ZNF483: variants seen among roughly 807,000 people sequenced by gnomAD.
ZNF483 encodes zinc finger protein HIT-10.
In ZNF483, 9 loss-of-function variants were observed where a neutral mutation model predicts 28.6. The observed-to-expected ratio is 0.32, with a 90% CI of 0.19 to 0.55. The LOEUF is 0.55. ZNF483 is among the 20% of genes least tolerant of loss of function. The pLI is 0.93. For missense variants in ZNF483, 675 were observed against 871.7 expected, an observed-to-expected ratio of 0.77 and a Z score of 2.84; for synonymous variants, 322 against 306.2, an observed-to-expected ratio of 1.05 and a Z score of -0.54.
intron 3 of ZNF483, 78 bp from the exon 4 acceptor site, chr9:111,533,661 T>C: frequency 7.0e-7 from 1 of 1,419,504 alleles, no homozygotes; most frequent in Non-Finnish European, 9.3e-7. Flanking sequence ...AGAGCCATAA[T>C]AGCCTGTCTC....
In ZNF483 at chr9:111,534,207, G is replaced by A; in HGVS notation, c.629-54G>A. 4 of 1,428,960 alleles carry A rather than the reference G, an allele frequency of 2.8e-6. No individual in the cohort carries two copies. In the Admixed American group the frequency reaches 7.0e-5, roughly 25 times the overall value. 88.5% of individuals were successfully genotyped at this position (1,428,960 alleles called of 1,614,324 possible). On this transcript the variant is annotated intron_variant, in intron 4 of 5. Coordinates refer to ENST00000309235, the MANE Select transcript of ZNF483 (RefSeq NM_133464.5). ...ACCAGAGGCTATATGTGAATGCTGGGATATCTTTACTCTATGCAAAACAGC... is the reference window on the plus strand; with the variant it reads ...ACCAGAGGCTATATGTGAATGCTGGAATATCTTTACTCTATGCAAAACAGC...
At chr9:111,576,354 G>C (rs781043501) in intron 5 of ZNF483, 2 of 1,613,806 alleles carry the variant, frequency 1.2e-6, no homozygotes, top group East Asian at 2.2e-5. Flanking sequence ...GCTTTCCCTG[G>C]TCACTTGCAG....
At chr9:111,567,500 G>A (rs1451269535) in intron 5 of ZNF483, among the ~76,000 whole-genome samples, 1 of 152,126 alleles carries the variant, frequency 6.6e-6, no homozygotes, top group Non-Finnish European at 1.5e-5. Context: ...GCACTTTTTA[G>A]CAAAGGCTTG....
At position 111,554,057 on chromosome 9, in the gene ZNF483, C is replaced by T. The variant is rs987273400; in HGVS notation, c.*10887C>T. On this transcript the variant is annotated 3_prime_UTR_variant, in exon 6 of 6. Transcript: ENST00000309235. ...ACAGCTGAGAACCACAGGTTTCAAA[C>T]TCGGTGCCAAGGTTTCCCATTCCAC... Among the ~76,000 whole-genome samples the T allele has an allele frequency of 6.6e-6, 1 of 152,192 alleles. No individual in the cohort carries two copies. The highest frequency in any genetic ancestry group is 1.5e-5 in the Non-Finnish European group (1 of 68,030).
chr9:111,548,063 G>T lies in ZNF483; in HGVS notation c.*4893G>T, dbSNP rs1306598858. On this transcript the variant is annotated 3_prime_UTR_variant, in exon 6 of 6. Transcript: ENST00000309235. ...TAATCAGGATTACACTACGTTTCCT[G>T]TAGTATGTTTTTGAAATGAGGAAGT... Among the ~76,000 whole-genome samples the T allele has an allele frequency of 6.6e-6, 1 of 152,132 alleles. No homozygotes were observed. Among genetic ancestry groups the T allele is most frequent in the Non-Finnish European group, 1.5e-5 (1 of 68,010 alleles).
chr9:111,543,297 C>T lies in ZNF483; in HGVS notation c.*127C>T. ...TAAATTGGCAGTTAGGAAAAATATC[C>T]TTTTGCCCATTCATCCCTCTTCTTT... On this transcript the variant is annotated 3_prime_UTR_variant, in exon 6 of 6. Transcript: ENST00000309235. 1 of 1,422,218 alleles carries T rather than the reference C, an allele frequency of 7.0e-7. No homozygotes were observed. The highest frequency in any genetic ancestry group is 9.1e-7 in the Non-Finnish European group (1 of 1,095,470). 88.1% of individuals were successfully genotyped at this position (1,422,218 alleles called of 1,614,324 possible).
rs1827747896 is a variant in ZNF483, at chr9:111,544,178, G to T, written c.*1008G>T. ...CTAGGAAAATAGATGGGGGCTGGGG[G>T]TAAGGAAATGTGCTGAAGACAGAGC... On this transcript the variant is annotated 3_prime_UTR_variant, in exon 6 of 6. Coordinates refer to ENST00000309235, the MANE Select transcript of ZNF483 (RefSeq NM_133464.5). 4.1e-6 allele frequency: 4 copies of T among 985,440 alleles called. No individual in the cohort carries two copies. The highest frequency in any genetic ancestry group is 4.8e-6 in the Non-Finnish European group (4 of 829,980). The allele number at this position is 985,440 out of a possible 1,614,324, so 61.0% of individuals were successfully genotyped here. A position where few individuals can be genotyped will look rare whatever the true frequency, so the allele number is the denominator to read the frequency against.
chr9:111,528,157 A>C, intron 2 of ZNF483: 1 of 847,322 alleles, frequency 1.2e-6, no homozygotes, highest in Non-Finnish European at 1.7e-6. Flanking sequence ...TCACAGGCAA[A>C]TCAACCAGCT....
At chr9:111,566,730 G>A (rs1324939536) in intron 5 of ZNF483, among the ~76,000 whole-genome samples, 1 of 152,008 alleles carries the variant, frequency 6.6e-6, no homozygotes, top group Non-Finnish European at 1.5e-5. Flanking sequence ...ACTATTCTGG[G>A]GGCTGGAGAT....
downstream of ZNF483, among the ~76,000 whole-genome samples, chr9:111,556,396 C>T (rs1434696113): frequency 6.6e-6 from 1 of 152,274 alleles, no homozygotes; most frequent in African/African-American, 2.4e-5. Flanking sequence ...TGGTGGCCAT[C>T]TTCTCACAGC....
rs960024427 is a variant in ZNF483, at chr9:111,571,042, G to A, written c.722-5323G>A. 1.5e-5 allele frequency among the ~76,000 whole-genome samples: 2 copies of A among 132,388 alleles called. 1 individual carries two copies. The highest frequency in any genetic ancestry group is 1.7e-4 in the Admixed American group (2 of 12,108). 86.9% of individuals were successfully genotyped at this position (132,388 alleles called of 152,430 possible). A position where few individuals can be genotyped will look rare whatever the true frequency, so the allele number is the denominator to read the frequency against. ...GCTAGAAGCTTGAAAAGGCAAGGAA[G>A]CAGATTCTCCTCTAGCATCTTCAGA... On this transcript the variant is annotated intron_variant, in intron 5 of 5. Coordinates refer to the ZNF483 transcript ENST00000358151.
intron 5 of ZNF483, chr9:111,575,504 A>AAAACTTAAT (rs1829018444): frequency 6.6e-6 from 1 of 152,240 alleles, no homozygotes; most frequent in Non-Finnish European, 1.5e-5. Context: ...TTTCAATTTC[A>AAAACTTAAT]AAACTTAATA....
chr9:111,575,262 A>C (rs1829009355), intron 5 of ZNF483: 1 of 153,706 alleles, frequency 6.5e-6, no homozygotes, highest in African/African-American at 2.4e-5. Context: ...AGATCACACT[A>C]CTGCACTCCA....
At chr9:111,528,115 A>G (rs1564589874) in intron 2 of ZNF483, 4 of 1,175,016 alleles carry the variant, frequency 3.4e-6, no homozygotes, top group African/African-American at 3.1e-5. Context: ...ATCCCCTTCA[A>G]GAACACAAGT....
rs527944293 is a variant in ZNF483 at position 111,551,629 on chromosome 9, T to G, written c.*8459T>G. 6.6e-6 allele frequency among the ~76,000 whole-genome samples: 1 copy of G among 152,198 alleles called. No individual in the cohort carries two copies. The highest frequency in any genetic ancestry group is 2.1e-4 in the South Asian group (1 of 4,828). The stretch of plus-strand genomic sequence containing the variant: ...GTTGCCCAGGCTGTTCTCCAACTCC[T>G]AAGCCCAGGCAATCTGCCTGTCTCG... On this transcript the variant is annotated 3_prime_UTR_variant, in exon 6 of 6. Transcript: ENST00000309235.
At chr9:111,569,902 G>C in intron 5 of ZNF483, 2 of 892,748 alleles carry the variant, frequency 2.2e-6, no homozygotes, top group South Asian at 3.5e-5. Flanking sequence ...GAACTTTAGA[G>C]AGGGTTGTTT....
chr9:111,570,899 C>A (rs1828789503), intron 5 of ZNF483, among the ~76,000 whole-genome samples: 1 of 152,110 alleles, frequency 6.6e-6, no homozygotes, highest in African/African-American at 2.4e-5. Context: ...AAGTTACAGT[C>A]AGGGACAGAA....
exon 6 of ZNF483, chr9:111,576,417 C>G: frequency 6.2e-7 from 1 of 1,614,060 alleles, no homozygotes; most frequent in Non-Finnish European, 8.5e-7. Context: ...CTGAATAAGA[C>G]CATGCTCTGC....
In ZNF483 at chr9:111,551,287, G is replaced by A. The variant is rs1455559583; in HGVS notation, c.*8117G>A. Among the ~76,000 whole-genome samples, 1 of 150,326 alleles carries A rather than the reference G, an allele frequency of 6.7e-6. No homozygotes were observed. The highest frequency in any genetic ancestry group is 1.5e-5 in the Non-Finnish European group (1 of 67,674). On this transcript the variant is annotated 3_prime_UTR_variant, in exon 6 of 6. Transcript: ENST00000309235. ...ATTTGTAATACATAACTCACATTTA[G>A]ATTTATAAAACGTAGAGTTGATAAG... is the stretch of plus-strand genomic sequence containing the variant.
Sources: allele counts gnomAD v4.1 joint callset (sites outside exome capture counted in the v4.1 genomes callset), GRCh38; gene constraint gnomAD v4.1.1; transcripts MANE v1.5; gene names NCBI Gene and HGNC (gene_info 2026-07-23, HGNC 2026-07-21).